The following IL27RA variants were observed in gnomAD, a reference collection of about 807,000 sequenced individuals.
IL27RA encodes the protein interleukin-27 receptor subunit alpha.
A neutral mutation model predicts 80.8 loss-of-function variants in IL27RA; 61 were observed. That is an observed-to-expected ratio of 0.76 (90% confidence interval 0.61 to 0.93). IL27RA has a LOEUF of 0.93. Among genes scored for constraint, IL27RA ranks in the 40% least tolerant of loss-of-function variants. The pLI is 0.00. For synonymous variants in IL27RA, 316 were observed against 332.5 expected, an observed-to-expected ratio of 0.95 and a Z score of 0.54; for missense variants, 735 against 808.1, an observed-to-expected ratio of 0.91 and a Z score of 1.10.
intron 2 of IL27RA, among the ~76,000 whole-genome samples, chr19:14,036,078 A>G (rs1975892181): frequency 1.0e-5 from 1 of 97,884 alleles, no homozygotes; most frequent in Non-Finnish European, 2.3e-5. Context: ...CGTCTCTATT[A>G]AAAAAAAAAA....
In IL27RA at chr19:14,051,580, A is replaced by C. The variant is rs368635086; in HGVS notation, c.1529-27A>C. 2.1e-5 allele frequency: 26 copies of C among 1,242,442 alleles called. No homozygotes were observed. The African/African-American group carries it at 2.2e-4, about 10-fold the overall frequency. 77.0% of individuals were successfully genotyped at this position (1,242,442 alleles called of 1,614,324 possible). ...AAAAATAAAATAAAATAAAAAATTA[A>C]GAATGATCTCTTCCCTACCCTACCA... On this transcript the variant is annotated intron_variant, in intron 11 of 13. Coordinates refer to ENST00000263379, the MANE Select transcript of IL27RA (RefSeq NM_004843.4).
intron 6 of IL27RA, among the ~76,000 whole-genome samples, chr19:14,045,315 C>T (rs1286451049): frequency 1.3e-5 from 2 of 149,052 alleles, no homozygotes; most frequent in South Asian, 2.1e-4. Flanking sequence ...GATGGCTGGG[C>T]GTGGTGGCTC....
At chr19:14,033,093 CTTTTTT>C (rs1010935225) in intron 2 of IL27RA, among the ~76,000 whole-genome samples, 10 of 117,210 alleles carry the variant, frequency 8.5e-5, no homozygotes, top group African/African-American at 3.5e-4. Context: ...GAGCCCGTCA[CTTTTTT>C]TTTTTTTTTT....
intron 4 of IL27RA, among the ~76,000 whole-genome samples, chr19:14,041,064 C>G (rs551352033): frequency 6.6e-6 from 1 of 151,792 alleles, no homozygotes; most frequent in African/African-American, 2.4e-5. Context: ...CCATCATGCC[C>G]GGCTCATTTT....
At chr19:14,035,845 AT>A (rs1217092374) in intron 2 of IL27RA, among the ~76,000 whole-genome samples, 2 of 152,050 alleles carry the variant, frequency 1.3e-5, no homozygotes, top group Non-Finnish European at 2.9e-5. Context: ...CAGCGGTGCG[AT>A]CATAGCTCAC....
chr19:14,052,297 C>T lies in IL27RA; in HGVS notation c.*7C>T, dbSNP rs375588233. 2.4e-5 allele frequency: 35 copies of T among 1,479,002 alleles called. No individual in the cohort carries two copies. Among genetic ancestry groups the T allele is most frequent in the Non-Finnish European group, 2.9e-5 (32 of 1,115,294 alleles). 91.6% of individuals were successfully genotyped at this position (1,479,002 alleles called of 1,614,324 possible). On this transcript the variant is annotated 3_prime_UTR_variant, in exon 14 of 14. Coordinates refer to ENST00000263379, the MANE Select transcript of IL27RA (RefSeq NM_004843.4). ...GCCACAGGTTCTGGCCTGAACCACA[C>T]GTCTGGCTGGGGGCTGCCAGCCAGG...
intron 2 of IL27RA, among the ~76,000 whole-genome samples, chr19:14,038,567 T>TAAA (rs34678070): frequency 2.0e-5 from 2 of 101,030 alleles, no homozygotes; most frequent in Admixed American, 1.1e-4. Context: ...GTCGTGTCTC[T>TAAA]AAAAAAAAAA....
Position 14,046,489 on chromosome 19 carries a change from C to T in IL27RA, c.1012C>T (p.Leu338=), listed in dbSNP as rs758350111. 2.5e-6 allele frequency: 4 copies of T among 1,614,050 alleles called. No homozygotes were observed. Among genetic ancestry groups the T allele is most frequent in the African/African-American group, 1.3e-5 (1 of 74,928 alleles). The stretch of plus-strand genomic sequence containing the variant: ...CAGCATCGCTGGGAGCACGGAGCTA[C>T]TGGTGACCTGGCAACCGGGGCCTGG... ...VSSIAGSTEL[L]VTWQPGPGEP... Residue 338 remains leucine (L), a synonymous_variant, in exon 8 of 14, where the codon CTG becomes TTG. Coordinates refer to ENST00000263379, the MANE Select transcript of IL27RA (RefSeq NM_004843.4).
At chr19:14,045,338 C>T (rs1976049108) in intron 6 of IL27RA, among the ~76,000 whole-genome samples, 1 of 150,998 alleles carries the variant, frequency 6.6e-6, no homozygotes, top group Admixed American at 6.6e-5. Context: ...GCCTGTAATC[C>T]CAGCACTTTG....
In IL27RA at chr19:14,039,685, G is replaced by A. The variant is rs1305909745; in HGVS notation, c.376+20G>A. On this transcript the variant is annotated intron_variant, in intron 3 of 13. Transcript: ENST00000263379. The stretch of plus-strand genomic sequence containing the variant: ...CCCAAAGTAACGTGGCAGGAGGGTG[G>A]GCGCTCTATGCGGGGTGGGTGCTCT... The A allele has an allele frequency of 1.2e-6, 2 of 1,611,576 alleles. No homozygotes were observed. Among genetic ancestry groups the A allele is most frequent in the Non-Finnish European group, 1.7e-6 (2 of 1,178,646 alleles).
rs1975958613 is a variant in IL27RA, at chr19:14,039,635, C to T, written c.346C>T (p.Pro116Ser). The T allele has an allele frequency of 4.3e-6, 7 of 1,613,804 alleles. No homozygotes were observed. Among genetic ancestry groups the T allele is most frequent in the South Asian group, 1.1e-5 (1 of 91,022 alleles). Reference protein sequence around the residue: ...WGTKAGQPLWPPVFVNLETQM... With the variant: ...WGTKAGQPLWSPVFVNLETQM... ...CACTAAGGCAGGCCAGCCTCTCTGG[C>T]CCCCCGTCTTCGTGAACCTAGAAAC... The change falls in exon 3 of 14, where the codon CCC becomes TCC. Residue 116 changes from proline (P) to serine (S), a missense_variant. Transcript: ENST00000263379.
At chr19:14,045,881 C>T (rs1455989333) in intron 6 of IL27RA, among the ~76,000 whole-genome samples, 5 of 151,520 alleles carry the variant, frequency 3.3e-5, no homozygotes, top group East Asian at 3.9e-4. Context: ...AAAAATTAGC[C>T]GGGCGTGATG....
intron 8 of IL27RA, among the ~76,000 whole-genome samples, chr19:14,048,505 C>T (rs1313005344): frequency 1.3e-5 from 2 of 152,118 alleles, no homozygotes; most frequent in Admixed American, 6.6e-5. Context: ...GTTGCCTGCT[C>T]ATATCTGTTT....
rs750681707 is a variant in IL27RA at position 14,032,490 on chromosome 19, C to G, written c.205C>G (p.Gln69Glu). The change falls in exon 2 of 14, where the codon CAG (glutamine) becomes GAG (glutamate). Residue 69 changes from glutamine to glutamate, a missense_variant. By Grantham distance (29) the Gln-to-Glu change is conservative. Transcript: ENST00000263379. ...GGGAGCCCCCTCCGAGTTACACCTC[C>G]AGAGCCAAAAGTAGTGAGTACAGGG... Reference protein sequence around the residue: ...DLGAPSELHLQSQKYRSNKTQ... With the variant: ...DLGAPSELHLESQKYRSNKTQ... The G allele has an allele frequency of 1.9e-5, 30 of 1,612,300 alleles. 1 individual carries two copies. In the South Asian group the frequency reaches 2.6e-4, roughly 14 times the overall value.
rs184364599 is a variant in IL27RA at position 14,038,347 on chromosome 19, A to G, written c.219-1161A>G. Among the ~76,000 whole-genome samples, 6 of 152,028 alleles carry G rather than the reference A, an allele frequency of 3.9e-5. No homozygotes were observed. In the East Asian group the frequency reaches 7.7e-4, roughly 20 times the overall value. On this transcript the variant is annotated intron_variant, in intron 2 of 13. Coordinates refer to ENST00000263379, the MANE Select transcript of IL27RA (RefSeq NM_004843.4). ...TTTTTGTAGACATGGGGGTCTCAGT[A>G]TGTGACTGCTTGAGGCCAAGAGTTA...
intron 12 of IL27RA, 73 bp downstream of exon 12, chr19:14,051,773 G>C (rs1976169356): frequency 7.0e-7 from 1 of 1,431,006 alleles, no homozygotes; most frequent in Non-Finnish European, 9.8e-7. Flanking sequence ...GCTTCCAGGG[G>C]GCTTGAAGGG....
At chr19:14,035,536 C>T (rs546696661) in intron 2 of IL27RA, among the ~76,000 whole-genome samples, 1 of 152,212 alleles carries the variant, frequency 6.6e-6, no homozygotes, top group African/African-American at 2.4e-5. Context: ...GTTGGGATTA[C>T]AGGCACACGC....
Position 14,031,765 on chromosome 19 carries a change from C to A in IL27RA, c.-108C>A. 1 of 886,286 alleles carries A rather than the reference C, an allele frequency of 1.1e-6. No homozygotes were observed. Among genetic ancestry groups the A allele is most frequent in the Non-Finnish European group, 1.7e-6 (1 of 596,978 alleles). The allele number at this position is 886,286 out of a possible 1,614,324, so 54.9% of individuals were successfully genotyped here. A position where few individuals can be genotyped will look rare whatever the true frequency, so the allele number is the denominator to read the frequency against. ...GCGGAGGCGGCCTGCCGGGGTGGTTCGGCTTCCCGTTGCCGCCTCGGGCGC... is the reference window on the plus strand; with the variant it reads ...GCGGAGGCGGCCTGCCGGGGTGGTTAGGCTTCCCGTTGCCGCCTCGGGCGC... On this transcript the variant is annotated 5_prime_UTR_variant, in exon 1 of 14. Coordinates refer to ENST00000263379, the MANE Select transcript of IL27RA (RefSeq NM_004843.4).
chr19:14,047,348 C>T lies in IL27RA; in HGVS notation c.1141+730C>T, dbSNP rs1976083657. On this transcript the variant is annotated intron_variant, in intron 8 of 13. Transcript: ENST00000263379. ...TACAGGCATGAGCCACTATGCCCAG[C>T]CTAACTTTTCTTTTTTTTTTTTTTG... is the stretch of plus-strand genomic sequence containing the variant. 3.4e-5 allele frequency among the ~76,000 whole-genome samples: 5 copies of T among 145,306 alleles called. No homozygotes were observed. In the South Asian group the frequency reaches 1.1e-3, roughly 32 times the overall value.
Sources: allele counts gnomAD v4.1 joint callset (sites outside exome capture counted in the v4.1 genomes callset), GRCh38; gene constraint gnomAD v4.1.1; transcripts MANE v1.5; gene names NCBI Gene and HGNC (gene_info 2026-07-23, HGNC 2026-07-21).